Variants in TBX20 observed in about 807,000 individuals in gnomAD.
TBX20 encodes T-box transcription factor 20.
TBX20 carries 8 observed loss-of-function variants against 42.9 expected under a neutral mutation model. The ratio of observed to expected loss-of-function variants is 0.19; its 90% CI spans 0.11 to 0.34. The LOEUF is 0.34. Ranked by LOEUF, TBX20 falls within the 10% of genes least tolerant of loss-of-function variation. The pLI is 1.00. For missense variants in TBX20, 411 were observed against 566.0 expected, an observed-to-expected ratio of 0.73 and a Z score of 2.78; for synonymous variants, 198 against 222.8, an observed-to-expected ratio of 0.89 and a Z score of 0.99.
At chr7:35,208,826 C>T (rs1285198323) in intron 6 of TBX20, among the ~76,000 whole-genome samples, 1 of 132,486 alleles carries the variant, frequency 7.5e-6, no homozygotes, top group African/African-American at 2.9e-5. Context: ...AGAAAGCATT[C>T]AATTTTTCAC....
chr7:35,215,491 G>A (rs571046197), intron 6 of TBX20, among the ~76,000 whole-genome samples: 13 of 152,258 alleles, frequency 8.5e-5, no homozygotes, highest in African/African-American at 2.4e-4. Flanking sequence ...ATGGCTCACC[G>A]AACAGGTCAA....
At chr7:35,253,393 G>C in intron 1 of TBX20, 101 bp downstream of exon 1, 4 of 1,388,162 alleles carry the variant, frequency 2.9e-6, no homozygotes, top group Non-Finnish European at 4.0e-6. Flanking sequence ...ATGGCTCATG[G>C]CTTGAGCATC....
chr7:35,224,545 G>T (rs1188840811), intron 6 of TBX20, among the ~76,000 whole-genome samples: 9 of 152,320 alleles, frequency 5.9e-5, no homozygotes, highest in Admixed American at 2.0e-4. Flanking sequence ...GGTGGCACAT[G>T]CCTGTAATCC....
At chr7:35,245,220 C>T (rs2128715309) in intron 3 of TBX20, among the ~76,000 whole-genome samples, 163 bp from the exon 4 acceptor site, 1 of 152,136 alleles carries the variant, frequency 6.6e-6, no homozygotes, top group East Asian at 1.9e-4. Flanking sequence ...GTCAAAACAA[C>T]TGAAAAATGT....
rs112320660 is a variant in TBX20 at position 35,231,400 on chromosome 7, T to C, written c.890+104A>G. Reference sequence around the variant, plus strand: ...GGTGCAGAGAATAGAAGACTATATATAGTAAGGTTATGATTCTCTGGTGTC... The same window carrying C: ...GGTGCAGAGAATAGAAGACTATATACAGTAAGGTTATGATTCTCTGGTGTC... On this transcript the variant is annotated intron_variant, in intron 6 of 7. Transcript: ENST00000408931. 1.4e-3 allele frequency: 1,107 copies of C among 779,994 alleles called. 9 individuals carry two copies. The African/African-American group carries it at 0.017, about 12-fold the overall frequency. The allele number at this position is 779,994 out of a possible 1,614,324, so 48.3% of individuals were successfully genotyped here.
chr7:35,228,478 G>A (rs184611667), intron 6 of TBX20, among the ~76,000 whole-genome samples: 1 of 152,094 alleles, frequency 6.6e-6, no homozygotes, highest in African/African-American at 2.4e-5. Context: ...GCTTTTTTAT[G>A]CTTTTTCTTA....
intron 4 of TBX20, among the ~76,000 whole-genome samples, chr7:35,241,830 T>C (rs1790088412): frequency 1.3e-5 from 2 of 152,210 alleles, no homozygotes; most frequent in African/African-American, 2.4e-5. Context: ...GTATTTTTCA[T>C]ATATCTTTTA....
chr7:35,239,583 G>A (rs77012155), intron 5 of TBX20, among the ~76,000 whole-genome samples: 61,860 of 135,742 alleles, frequency 0.46, 12,315 homozygotes, highest in Admixed American at 0.53. Context: ...TTCCTCACCT[G>A]TGGAGTGTAG....
chr7:35,253,840 CG>C lies in TBX20; in HGVS notation c.-221del. The C allele has an allele frequency of 1.7e-6, 1 of 590,570 alleles. No homozygotes were observed. The highest frequency in any genetic ancestry group is 2.9e-6 in the Non-Finnish European group (1 of 344,640). The allele number at this position is 590,570 out of a possible 1,614,324, so 36.6% of individuals were successfully genotyped here. A position where few individuals can be genotyped will look rare whatever the true frequency, so the allele number is the denominator to read the frequency against. ...GAGCCGCAGAGACTTCGAAGGCAGC[CG>C]GAGAGGAGAGGGCCCACCGAGCACT... On this transcript the variant is annotated 5_prime_UTR_variant, in exon 1 of 8. An upstream open reading frame in the 5' UTR loses its in-frame stop. Coordinates refer to ENST00000408931, the MANE Select transcript of TBX20 (RefSeq NM_001077653.2).
rs1325887960 is a variant in TBX20 at position 35,244,966 on chromosome 7, G to A, written c.637C>T (p.Leu213=). ...FEKVKLTNNE[L]DQHGHIILNS... ...GTACTTACATGGCCATGTTGATCCA[G>A]TTCATTGTTGGTGAGTTTCACCTTT... Residue 213 remains leucine (L), a synonymous_variant, in exon 4 of 8, where the codon CTG becomes TTG. Transcript: ENST00000408931. 1 of 1,613,348 alleles carries A rather than the reference G, an allele frequency of 6.2e-7. No homozygotes were observed. Among genetic ancestry groups the A allele is most frequent in the Admixed American group, 1.7e-5 (1 of 60,000 alleles).
chr7:35,229,260 T>C (rs975317377), intron 6 of TBX20, among the ~76,000 whole-genome samples: 3 of 152,196 alleles, frequency 2.0e-5, no homozygotes, highest in Non-Finnish European at 4.4e-5. Context: ...AAGCTCCCTA[T>C]ATTGTTAAGG....
In TBX20 at chr7:35,253,754, G is replaced by T. The variant is rs959552896; in HGVS notation, c.-134C>A. The T allele has an allele frequency of 1.7e-6, 2 of 1,174,216 alleles. No individual in the cohort carries two copies. Among genetic ancestry groups the T allele is most frequent in the Non-Finnish European group, 2.4e-6 (2 of 839,694 alleles). 72.7% of individuals were successfully genotyped at this position (1,174,216 alleles called of 1,614,324 possible). A position where few individuals can be genotyped will look rare whatever the true frequency, so the allele number is the denominator to read the frequency against. Reference sequence around the variant, plus strand: ...CACAGCGGGGCCAGGGACTCCAGAAGTGTCAGCTCCAACGACTCCAGAGCT... The same window carrying T: ...CACAGCGGGGCCAGGGACTCCAGAATTGTCAGCTCCAACGACTCCAGAGCT... On this transcript the variant is annotated 5_prime_UTR_variant, in exon 1 of 8. Coordinates refer to ENST00000408931, the MANE Select transcript of TBX20 (RefSeq NM_001077653.2).
rs2075047 is a variant in TBX20 at position 35,231,642 on chromosome 7, T to C, written c.814-62A>G. On this transcript the variant is annotated intron_variant, in intron 5 of 7. Coordinates refer to ENST00000408931, the MANE Select transcript of TBX20 (RefSeq NM_001077653.2). ...GAGGTCAAGGAAGTAAAATCAGAAA[T>C]AGTTTGTTCATTCTCCATAGCACAC... The C allele has an allele frequency of 0.14, 160,760 of 1,130,784 alleles. 12,827 individuals carry two copies. Among genetic ancestry groups the C allele is most frequent in the Middle Eastern group, 0.25 (1,272 of 5,126 alleles). The allele number at this position is 1,130,784 out of a possible 1,614,324, so 70.0% of individuals were successfully genotyped here. A position where few individuals can be genotyped will look rare whatever the true frequency, so the allele number is the denominator to read the frequency against.
intron 7 of TBX20, 78 bp downstream of exon 7, chr7:35,204,392 T>C: frequency 1.1e-6 from 1 of 912,418 alleles, no homozygotes; most frequent in Non-Finnish European, 1.8e-6. Flanking sequence ...GGACTGGCCA[T>C]CTCATCAACG....
intron 6 of TBX20, among the ~76,000 whole-genome samples, chr7:35,207,539 C>T (rs1449391739): frequency 6.6e-6 from 1 of 152,080 alleles, no homozygotes; most frequent in Non-Finnish European, 1.5e-5. Flanking sequence ...CTTTTGGTGC[C>T]ATATTTTAAG....
At chr7:35,220,372 C>T (rs1789659604) in intron 6 of TBX20, among the ~76,000 whole-genome samples, 1 of 152,150 alleles carries the variant, frequency 6.6e-6, no homozygotes, top group Non-Finnish European at 1.5e-5. Flanking sequence ...ACAGTGTGGG[C>T]CATCACCATG....
At chr7:35,247,498 T>C (rs1790216709) in intron 3 of TBX20, among the ~76,000 whole-genome samples, 1 of 152,124 alleles carries the variant, frequency 6.6e-6, no homozygotes. Flanking sequence ...GAGAGATTGC[T>C]TTTAATCTCT....
intron 6 of TBX20, among the ~76,000 whole-genome samples, chr7:35,229,569 C>T (rs900757210): frequency 7.2e-5 from 11 of 152,214 alleles, no homozygotes; most frequent in African/African-American, 1.9e-4. Flanking sequence ...CATGTGAGTG[C>T]TCCCACATCA....
At chr7:35,240,096 C>T (rs766185290) in intron 5 of TBX20, among the ~76,000 whole-genome samples, 10 of 152,142 alleles carry the variant, frequency 6.6e-5, no homozygotes, top group Non-Finnish European at 1.2e-4. Context: ...GAGTAAAAAG[C>T]ATAGGTTGAG....
Sources: gnomAD v4.1 joint callset for allele counts (sites outside exome capture counted in the v4.1 genomes callset) on GRCh38, gnomAD v4.1.1 for gene constraint, MANE v1.5 for transcripts, NCBI Gene and HGNC (gene_info 2026-07-23, HGNC 2026-07-21) for gene names.